The following EFCAB10 variants were observed in gnomAD, a reference collection of about 807,000 sequenced individuals.
The protein encoded by EFCAB10 is EF-hand calcium binding domain 10, also known as EF-hand calcium-binding domain-containing protein 10.
Under a neutral mutation model 7.7 loss-of-function variants are expected in EFCAB10, and 7 were observed. That is an observed-to-expected ratio of 0.91 (90% confidence interval 0.52 to 1.72). The LOEUF (loss-of-function observed/expected upper bound fraction) is 1.72. Among genes scored for constraint, EFCAB10 ranks in the 40% most tolerant of loss-of-function variants. The probability of loss-of-function intolerance (pLI) is 0.00; values close to 1 mark genes in which losing one functional copy is unlikely to be tolerated. For synonymous variants in EFCAB10, 52 were observed against 21.0 expected, an observed-to-expected ratio of 2.47 and a Z score of -4.03; for missense variants, 112 against 61.5, an observed-to-expected ratio of 1.82 and a Z score of -2.74.
At position 105,567,829 on chromosome 7, in the gene EFCAB10, G is replaced by C. The variant is rs189316265; in HGVS notation, c.360-339C>G. Among the ~76,000 whole-genome samples the C allele has an allele frequency of 9.9e-5, 15 of 152,044 alleles. No homozygotes were observed. The East Asian group carries it at 2.9e-3, about 29-fold the overall frequency. On this transcript the variant is annotated intron_variant, in intron 3 of 4. Coordinates refer to ENST00000480514, the MANE Select transcript of EFCAB10 (RefSeq NM_001355526.2). ...GGAGGATTGCTTGAGGCAGGAGTGC[G>C]AAAACATCCTGGCCAACATGTCAAG...
chr7:105,572,956 C>G (rs1164874245), intron 1 of EFCAB10: 2 of 151,374 alleles, frequency 1.3e-5, no homozygotes, highest in East Asian at 3.9e-4. Context: ...ATTTCTGTAT[C>G]TTCTATGGAA....
intron 1 of EFCAB10, among the ~76,000 whole-genome samples, chr7:105,574,045 C>G (rs1792008208): frequency 6.6e-6 from 1 of 151,784 alleles, no homozygotes; most frequent in South Asian, 2.1e-4. Context: ...CCTCTTTATA[C>G]AGCATAGAAT....
At chr7:105,567,547 T>G in intron 3 of EFCAB10, 57 bp from the exon 4 acceptor site, 1 of 673,500 alleles carries the variant, frequency 1.5e-6, no homozygotes, top group South Asian at 1.6e-5. Flanking sequence ...TTTACAAGTA[T>G]AAATGCTGAG....
chr7:105,570,364 T>C (rs1791918735), intron 1 of EFCAB10, among the ~76,000 whole-genome samples: 1 of 148,244 alleles, frequency 6.7e-6, no homozygotes, highest in African/African-American at 2.5e-5. Flanking sequence ...AGGAAGCACA[T>C]GTACTCATTT....
chr7:105,580,748 C>A (rs1462250881), intron 1 of EFCAB10, among the ~76,000 whole-genome samples: 1 of 152,124 alleles, frequency 6.6e-6, no homozygotes, highest in African/African-American at 2.4e-5. Flanking sequence ...TACAATTCTG[C>A]ACCCTGGGGA....
At chr7:105,568,910 A>C (rs1395688034) in intron 3 of EFCAB10, among the ~76,000 whole-genome samples, 9 of 149,072 alleles carry the variant, frequency 6.0e-5, no homozygotes, top group African/African-American at 1.7e-4. Context: ...ACATATTGCC[A>C]CTGCACTCCA....
chr7:105,565,285 C>G lies in EFCAB10; in HGVS notation c.*162G>C, dbSNP rs1470112438. 16 of 1,587,242 alleles carry G rather than the reference C, an allele frequency of 1.0e-5. No homozygotes were observed. Among genetic ancestry groups the G allele is most frequent in the Non-Finnish European group, 1.4e-5 (16 of 1,164,256 alleles). On this transcript the variant is annotated 3_prime_UTR_variant, in exon 5 of 5. Transcript: ENST00000480514. The stretch of plus-strand genomic sequence containing the variant: ...AAATGTGTTTTTTCCAGATGGTTGT[C>G]CTTGCCATCTCAGTCAGAGCAGGCA...
intron 3 of EFCAB10, among the ~76,000 whole-genome samples, chr7:105,568,663 G>T (rs1452596962): frequency 6.6e-6 from 1 of 152,058 alleles, no homozygotes; most frequent in Non-Finnish European, 1.5e-5. Context: ...TTAGAATGGA[G>T]CTGGCTGGGC....
At chr7:105,566,846 A>T (rs1173239916) in intron 4 of EFCAB10, 1 of 211,474 alleles carries the variant, frequency 4.7e-6, no homozygotes, top group African/African-American at 2.3e-5. Flanking sequence ...AGCTATATTT[A>T]ATATAGTGTT....
rs1278728254 is a variant in EFCAB10, at chr7:105,581,380, G to A, written c.84C>T (p.Ser28=). 4 of 702,992 alleles carry A rather than the reference G, an allele frequency of 5.7e-6. No homozygotes were observed. Among genetic ancestry groups the A allele is most frequent in the Non-Finnish European group, 7.8e-6 (3 of 384,988 alleles). The allele number at this position is 702,992 out of a possible 1,614,324, so 43.5% of individuals were successfully genotyped here. ...TACCCGGCCGAAAGAAAAGGAGGGC[G>A]CTGGTGAGGTAGCTAACCACCTCCT... is the stretch of plus-strand genomic sequence containing the variant. ...QIKEVVSYLT[S]ALLFFRPEKP... is the part of the protein sequence containing the mutation. Residue 28 remains serine, a synonymous_variant, in exon 1 of 5, where the codon AGC becomes AGT. Coordinates refer to ENST00000480514, the MANE Select transcript of EFCAB10 (RefSeq NM_001355526.2).
chr7:105,571,479 A>G (rs2133517990), intron 1 of EFCAB10: 1 of 152,328 alleles, frequency 6.6e-6, no homozygotes, highest in East Asian at 1.9e-4. Context: ...AATCAAAGCA[A>G]TGGCTACCAA....
At chr7:105,569,099 C>A in intron 3 of EFCAB10, 104 bp downstream of exon 3, 1 of 658,616 alleles carries the variant, frequency 1.5e-6, no homozygotes, top group Non-Finnish European at 2.7e-6. Flanking sequence ...TTCAAGGGAA[C>A]AAAATATTTC....
In EFCAB10 at chr7:105,581,464, C is replaced by T. The variant is rs1243303647; in HGVS notation, c.-1G>A. 3 of 703,090 alleles carry T rather than the reference C, an allele frequency of 4.3e-6. No individual in the cohort carries two copies. Among genetic ancestry groups the T allele is most frequent in the Admixed American group, 2.0e-5 (1 of 50,020 alleles). The allele number at this position is 703,090 out of a possible 1,614,324, so 43.6% of individuals were successfully genotyped here. A position where few individuals can be genotyped will look rare whatever the true frequency, so the allele number is the denominator to read the frequency against. On this transcript the variant is annotated 5_prime_UTR_variant, in exon 1 of 5. Transcript: ENST00000480514. ...GGAGCTCCCTGCTGCTGGTCTCCAT[C>T]GCTCCGCGTCCCGCTGTTGCTAGGC...
At chr7:105,568,557 C>G (rs1420384479) in intron 3 of EFCAB10, among the ~76,000 whole-genome samples, 1 of 152,122 alleles carries the variant, frequency 6.6e-6, no homozygotes, top group African/African-American at 2.4e-5. Context: ...GAGTTTCCAG[C>G]TAGTGTGTTG....
intron 1 of EFCAB10, among the ~76,000 whole-genome samples, chr7:105,579,489 A>T (rs1030646605): frequency 6.6e-6 from 1 of 152,206 alleles, no homozygotes; most frequent in Non-Finnish European, 1.5e-5. Context: ...AAATGTAAAT[A>T]TATTATTAAC....
intron 1 of EFCAB10, among the ~76,000 whole-genome samples, chr7:105,578,190 T>C (rs991150210): frequency 6.6e-6 from 1 of 152,192 alleles, no homozygotes; most frequent in Non-Finnish European, 1.5e-5. Context: ...TAATAGTACC[T>C]ATTTTCACTC....
chr7:105,573,044 G>A (rs1470437978), intron 1 of EFCAB10: 2 of 148,650 alleles, frequency 1.3e-5, no homozygotes, highest in African/African-American at 5.0e-5. Flanking sequence ...GACATGTTTT[G>A]GATATTAACC....
Position 105,569,988 on chromosome 7 carries a change from C to T in EFCAB10, c.107-417G>A, listed in dbSNP as rs541702547. Among the ~76,000 whole-genome samples the T allele has an allele frequency of 1.9e-4, 28 of 150,996 alleles. No individual in the cohort carries two copies. In the East Asian group the frequency reaches 4.7e-3, roughly 25 times the overall value. On this transcript the variant is annotated intron_variant, in intron 1 of 4. Transcript: ENST00000480514. ...CTGTAATCTCAGCACTTTGGGAGGC[C>T]GAGGAGGGCAGATCACCTGAGGTTG...
chr7:105,571,162 C>T (rs1791940512), intron 1 of EFCAB10: 2 of 152,340 alleles, frequency 1.3e-5, no homozygotes, highest in East Asian at 1.9e-4. Context: ...GCCCTATCCA[C>T]ATCAATTTGT....
Sources: allele counts gnomAD v4.1 joint callset (sites outside exome capture counted in the v4.1 genomes callset), GRCh38; gene constraint gnomAD v4.1.1; transcripts MANE v1.5; gene names NCBI Gene and HGNC (gene_info 2026-07-23, HGNC 2026-07-21).